PRDM16: variants seen among roughly 807,000 people sequenced by gnomAD.
PRDM16 encodes the protein histone-lysine N-methyltransferase PRDM16.
In PRDM16, 23 loss-of-function variants were observed where a neutral mutation model predicts 110.6. The observed-to-expected ratio is 0.21, with a 90% CI of 0.15 to 0.29. The LOEUF (loss-of-function observed/expected upper bound fraction) is 0.29, where lower values mean the gene tolerates loss of function less well. PRDM16 is among the 10% of genes least tolerant of loss of function. The pLI, the probability that PRDM16 is intolerant of heterozygous loss-of-function variation, is 1.00. For synonymous variants in PRDM16, 799 were observed against 781.8 expected, an observed-to-expected ratio of 1.02 and a Z score of -0.37; for missense variants, 1,615 against 1,794.3, an observed-to-expected ratio of 0.90 and a Z score of 1.81.
chr1:3,285,463 G>GC, intron 3 of PRDM16, among the ~76,000 whole-genome samples: 1 of 152,198 alleles, frequency 6.6e-6, no homozygotes, highest in East Asian at 1.9e-4. Flanking sequence ...CCGCTGTGTC[G>GC]CCCCCACTCA....
intron 1 of PRDM16, among the ~76,000 whole-genome samples, chr1:3,154,171 C>T (rs569846191): frequency 5.3e-5 from 8 of 152,330 alleles, no homozygotes. Context: ...CGGGACCTGC[C>T]ACGGTCGTGC....
chr1:3,135,107 G>A (rs1047946014), intron 1 of PRDM16, among the ~76,000 whole-genome samples: 7 of 152,238 alleles, frequency 4.6e-5, no homozygotes, highest in African/African-American at 1.4e-4. Flanking sequence ...TCGGGAGCTC[G>A]CTCTTTATTT....
At chr1:3,298,122 C>A (rs1641129118) in intron 3 of PRDM16, among the ~76,000 whole-genome samples, 1 of 152,252 alleles carries the variant, frequency 6.6e-6, no homozygotes, top group Non-Finnish European at 1.5e-5. Context: ...CTTCTGAGAG[C>A]CAAACCTCTG....
At chr1:3,262,018 CT>C (rs1298343592) in intron 3 of PRDM16, among the ~76,000 whole-genome samples, 2 of 152,208 alleles carry the variant, frequency 1.3e-5, no homozygotes, top group African/African-American at 2.4e-5. Context: ...AGTACAGGTA[CT>C]TTCAGAGGGA....
intron 1 of PRDM16, among the ~76,000 whole-genome samples, chr1:3,170,914 G>A (rs1369962067): frequency 6.6e-6 from 1 of 152,272 alleles, no homozygotes; most frequent in Non-Finnish European, 1.5e-5. Flanking sequence ...GGGGAAACGT[G>A]TGTTTCAGCT....
At chr1:3,075,540 C>G (rs944202858) in intron 1 of PRDM16, among the ~76,000 whole-genome samples, 1 of 152,248 alleles carries the variant, frequency 6.6e-6, no homozygotes, top group African/African-American at 2.4e-5. Context: ...AGCTGTCACA[C>G]TGGTAATTCT....
At chr1:3,317,807 C>G (rs1436981222) in intron 3 of PRDM16, among the ~76,000 whole-genome samples, 2 of 152,188 alleles carry the variant, frequency 1.3e-5, no homozygotes, top group East Asian at 3.8e-4. Flanking sequence ...TAATAGAGAC[C>G]CAGAAAAGTT....
intron 2 of PRDM16, among the ~76,000 whole-genome samples, chr1:3,220,992 C>A (rs1340452267): frequency 2.6e-5 from 4 of 152,194 alleles, no homozygotes; most frequent in Admixed American, 2.0e-4. Context: ...TGCTCAGACT[C>A]AAGAGAGGGA....
intron 1 of PRDM16, among the ~76,000 whole-genome samples, chr1:3,092,356 C>G (rs1416505924): frequency 1.3e-5 from 2 of 152,114 alleles, no homozygotes; most frequent in African/African-American, 4.8e-5. Flanking sequence ...CAAAGGCACC[C>G]GGTCCTGCCC....
intron 3 of PRDM16, among the ~76,000 whole-genome samples, chr1:3,312,352 G>A (rs1641481866): frequency 6.6e-6 from 1 of 152,202 alleles, no homozygotes; most frequent in Admixed American, 6.5e-5. Context: ...CTGGGCCGGT[G>A]ACATGAGGAT....
chr1:3,114,152 C>T (rs891664328), intron 1 of PRDM16, among the ~76,000 whole-genome samples: 13 of 147,884 alleles, frequency 8.8e-5, no homozygotes, highest in Middle Eastern at 3.5e-3. Flanking sequence ...ACTGCACACA[C>T]GCACACACAC....
At chr1:3,391,327 G>A (rs1193697554) in intron 4 of PRDM16, among the ~76,000 whole-genome samples, 2 of 152,004 alleles carry the variant, frequency 1.3e-5, no homozygotes, top group South Asian at 2.1e-4. Flanking sequence ...CCCATTTTAC[G>A]GGGCCCCCTT....
At position 3,080,654 on chromosome 1, in the gene PRDM16, A is replaced by G. The variant is rs1214015264; in HGVS notation, c.37+11358A>G. Among the ~76,000 whole-genome samples the G allele has an allele frequency of 6.6e-6, 1 of 152,104 alleles. No individual in the cohort carries two copies. Among genetic ancestry groups the G allele is most frequent in the Non-Finnish European group, 1.5e-5 (1 of 68,010 alleles). Reference sequence around the variant, plus strand: ...GCAAAAACGGGAGGCCCGGGCCCCTAAGCTTGCAGCCTGAGAAAAAGCAAA... The same window carrying G: ...GCAAAAACGGGAGGCCCGGGCCCCTGAGCTTGCAGCCTGAGAAAAAGCAAA... On this transcript the variant is annotated intron_variant, in intron 1 of 16. Transcript: ENST00000270722. The surrounding 1 kb of genome is among the most constrained non-coding windows in gnomAD (Gnocchi z 5.2).
At chr1:3,222,434 G>A (rs1485230048) in intron 2 of PRDM16, among the ~76,000 whole-genome samples, 1 of 152,146 alleles carries the variant, frequency 6.6e-6, no homozygotes, top group Non-Finnish European at 1.5e-5. Flanking sequence ...CATGAGGAGT[G>A]GGGGCTCGCA....
At chr1:3,397,077 G>A (rs1218176308) in intron 5 of PRDM16, among the ~76,000 whole-genome samples, 3 of 152,192 alleles carry the variant, frequency 2.0e-5, no homozygotes, top group Non-Finnish European at 2.9e-5. Context: ...GCTCTCTGTG[G>A]GGTGGGAAGA....
Position 3,081,617 on chromosome 1 carries a change from G to T in PRDM16, c.37+12321G>T, listed in dbSNP as rs981668942. On this transcript the variant is annotated intron_variant, in intron 1 of 16. Coordinates refer to ENST00000270722, the MANE Select transcript of PRDM16 (RefSeq NM_022114.4). This position sits in a 1 kb window ranked among gnomAD's most constrained non-coding sequence, Gnocchi z 4.6. ...TGGTCTTCCTTCTGTGAGCACGGGG[G>T]GTGAGCAGTGGGCAGCTCCAGGAAG... 6.6e-5 allele frequency among the ~76,000 whole-genome samples: 10 copies of T among 152,182 alleles called. No homozygotes were observed. Among genetic ancestry groups the T allele is most frequent in the African/African-American group, 2.4e-4 (10 of 41,446 alleles).
chr1:3,240,657 T>C (rs1199994134), intron 2 of PRDM16, among the ~76,000 whole-genome samples: 1 of 152,148 alleles, frequency 6.6e-6, no homozygotes, highest in African/African-American at 2.4e-5. Context: ...ACAGATAATT[T>C]TGACGGGAGA....
intron 1 of PRDM16, among the ~76,000 whole-genome samples, chr1:3,184,753 T>C (rs1318184320): frequency 6.6e-6 from 1 of 152,200 alleles, no homozygotes; most frequent in Non-Finnish European, 1.5e-5. Flanking sequence ...CATCTGCTTC[T>C]GTCTCTGGGG....
chr1:3,303,557 T>A (rs1641251497), intron 3 of PRDM16, among the ~76,000 whole-genome samples: 2 of 152,236 alleles, frequency 1.3e-5, no homozygotes, highest in Non-Finnish European at 2.9e-5. Flanking sequence ...GAGAGACATC[T>A]TCATTACTCT....
Sources: allele counts gnomAD v4.1 joint callset (sites outside exome capture counted in the v4.1 genomes callset), GRCh38; gene constraint gnomAD v4.1.1; non-coding constraint Gnocchi (gnomAD v3.1); transcripts MANE v1.5; gene names NCBI Gene and HGNC (gene_info 2026-07-23, HGNC 2026-07-21).